The following RIN2 variants were observed in gnomAD, a reference collection of about 807,000 sequenced individuals.
The protein encoded by RIN2 is RAB5 interacting protein 2.
In RIN2, 36 loss-of-function variants were observed where a neutral mutation model predicts 78.0. That is an observed-to-expected ratio of 0.46 (90% CI 0.35 to 0.61). RIN2 has a LOEUF of 0.61. RIN2 is among the 20% of genes least tolerant of loss of function. The pLI is 0.00. For synonymous variants in RIN2, 466 were observed against 466.8 expected (o/e 1.00, Z 0.02); for missense variants, 1,087 against 1,159.7 (o/e 0.94, Z 0.91).
intron 9 of RIN2, among the ~76,000 whole-genome samples, chr20:19,980,055 A>AAAAAAG (rs2042398248): frequency 6.6e-6 from 1 of 151,050 alleles, no homozygotes; most frequent in Non-Finnish European, 1.5e-5. Flanking sequence ...AAAAAAAAAA[A>AAAAAAG]AAAAAAAAAA....
intron 8 of RIN2, 135 bp from the exon 9 acceptor site, chr20:19,974,517 TAA>T: frequency 1.2e-6 from 1 of 817,272 alleles, no homozygotes; most frequent in African/African-American, 1.7e-5. Flanking sequence ...AGGAATGCAG[TAA>T]ACCTGAGTAC....
chr20:19,940,380 A>G (rs1289527930), intron 4 of RIN2, among the ~76,000 whole-genome samples: 2 of 152,206 alleles, frequency 1.3e-5, no homozygotes, highest in Non-Finnish European at 2.9e-5. Context: ...GGTGCATAAA[A>G]AAATAAAAAG....
At chr20:19,788,432 C>CAAAAAAAAAAAAAAAAACAAA (rs2034762145) in intron 1 of RIN2, among the ~76,000 whole-genome samples, 12 of 53,742 alleles carry the variant, frequency 2.2e-4, no homozygotes, top group African/African-American at 1.3e-3. Flanking sequence ...CTGTCTCTGC[C>CAAAAAAAAAAAAAAAAACAAA]AAAAAAAAAA....
intron 3 of RIN2, among the ~76,000 whole-genome samples, chr20:19,896,685 ACACCTGTATCTGGATGTGTC>A (rs2123570771): frequency 6.6e-6 from 1 of 152,344 alleles, no homozygotes; most frequent in South Asian, 2.1e-4. Flanking sequence ...AGCATGCCTC[ACACCTGTATCTGGATGTGTC>A]TTTTGTTTTC....
At position 20,001,057 on chromosome 20, in the gene RIN2, T is replaced by C; in HGVS notation, c.*121T>C. ...CTCGGGGACCCCTCAGTGTAGTGAC[T>C]AAGCCATCCACAGGCCAACTCGGCC... On this transcript the variant is annotated 3_prime_UTR_variant, in exon 13 of 13. Transcript: ENST00000255006. The C allele has an allele frequency of 1.1e-6, 1 of 936,480 alleles. No individual in the cohort carries two copies. Among genetic ancestry groups the C allele is most frequent in the South Asian group, 1.8e-5 (1 of 55,360 alleles). 58.0% of individuals were successfully genotyped at this position (936,480 alleles called of 1,614,324 possible). A position where few individuals can be genotyped will look rare whatever the true frequency, so the allele number is the denominator to read the frequency against.
intron 3 of RIN2, among the ~76,000 whole-genome samples, chr20:19,923,864 A>C (rs2040033982): frequency 6.6e-6 from 1 of 152,010 alleles, no homozygotes; most frequent in South Asian, 2.1e-4. Flanking sequence ...ATTTTGACTA[A>C]GGTGGTGTCT....
chr20:19,938,425 G>C (rs1292437305), intron 4 of RIN2, among the ~76,000 whole-genome samples: 1 of 151,560 alleles, frequency 6.6e-6, no homozygotes, highest in African/African-American at 2.4e-5. Context: ...GGGTCTCTCT[G>C]TGTTGCCCAG....
chr20:19,884,016 G>T (rs1359043675), intron 2 of RIN2, among the ~76,000 whole-genome samples: 2 of 151,520 alleles, frequency 1.3e-5, no homozygotes, highest in Non-Finnish European at 2.9e-5. Flanking sequence ...GTCCAGGCTG[G>T]TCTCAAACTC....
intron 2 of RIN2, among the ~76,000 whole-genome samples, chr20:19,851,295 T>C (rs2036973667): frequency 6.6e-6 from 1 of 151,810 alleles, no homozygotes; most frequent in Admixed American, 6.6e-5. Context: ...GAGGACTCAA[T>C]CAATAAGAAA....
At chr20:19,848,933 C>A (rs2036871121) in intron 2 of RIN2, among the ~76,000 whole-genome samples, 1 of 152,132 alleles carries the variant, frequency 6.6e-6, no homozygotes, top group Admixed American at 6.5e-5. Flanking sequence ...AAACTAAAAT[C>A]ATTTTTCTAA....
intron 1 of RIN2, among the ~76,000 whole-genome samples, chr20:19,777,750 A>G (rs577374267): frequency 8.5e-5 from 13 of 152,254 alleles, no homozygotes; most frequent in Non-Finnish European, 1.6e-4. Context: ...TTCCAGACGA[A>G]TTGTGAAATG....
intron 2 of RIN2, among the ~76,000 whole-genome samples, chr20:19,817,555 G>C (rs1263895619): frequency 1.3e-5 from 2 of 152,160 alleles, no homozygotes; most frequent in African/African-American, 4.8e-5. Context: ...AACACAATTA[G>C]CTAAAAAGAT....
chr20:19,808,034 A>C (rs1268827649), intron 2 of RIN2, among the ~76,000 whole-genome samples: 1 of 152,264 alleles, frequency 6.6e-6, no homozygotes, highest in Non-Finnish European at 1.5e-5. Flanking sequence ...AAGAAACCTA[A>C]GCCTTAAATG....
chr20:19,790,668 C>A (rs949778154), intron 1 of RIN2, among the ~76,000 whole-genome samples: 5 of 152,140 alleles, frequency 3.3e-5, no homozygotes, highest in Non-Finnish European at 5.9e-5. Context: ...TCCACTTACC[C>A]CAACCAATTC....
chr20:19,905,789 C>T (rs190670248), intron 3 of RIN2, among the ~76,000 whole-genome samples: 9 of 152,316 alleles, frequency 5.9e-5, no homozygotes, highest in Admixed American at 2.6e-4. Context: ...CATTCACTCA[C>T]GTATTGTCTG....
In RIN2 at chr20:19,966,526, G is replaced by A. The variant is rs185165449; in HGVS notation, c.536+1502G>A. On this transcript the variant is annotated intron_variant, in intron 7 of 12. Coordinates refer to ENST00000255006, the MANE Select transcript of RIN2 (RefSeq NM_018993.4). The stretch of plus-strand genomic sequence containing the variant: ...TTTAGTAGAGATGGGGTTTTACCAC[G>A]TTGGCCAGGCTGGTCTCAAACTCCT... Among the ~76,000 whole-genome samples, 727 of 152,136 alleles carry A rather than the reference G, an allele frequency of 4.8e-3. 3 individuals carry two copies. The highest frequency in any genetic ancestry group is 0.017 in the African/African-American group (695 of 41,498).
chr20:19,842,780 A>G (rs756218439), intron 2 of RIN2, among the ~76,000 whole-genome samples: 7 of 152,052 alleles, frequency 4.6e-5, no homozygotes, highest in Non-Finnish European at 1.0e-4. Context: ...CTTATTATTT[A>G]AGAACTACAT....
chr20:19,978,721 C>T (rs73901346), intron 9 of RIN2, among the ~76,000 whole-genome samples: 6,208 of 152,268 alleles, frequency 0.041, 415 homozygotes, highest in African/African-American at 0.14. Flanking sequence ...TGGAGAGACA[C>T]GGGCTCGTTC....
intron 5 of RIN2, among the ~76,000 whole-genome samples, chr20:19,958,098 G>C (rs961618965): frequency 1.3e-5 from 2 of 152,238 alleles, no homozygotes; most frequent in African/African-American, 4.8e-5. Context: ...GTCAGAGTCT[G>C]TCTGTTCTCA....
Sources: allele counts gnomAD v4.1 joint callset (sites outside exome capture counted in the v4.1 genomes callset), GRCh38; gene constraint gnomAD v4.1.1; transcripts MANE v1.5; gene names NCBI Gene and HGNC (gene_info 2026-07-23, HGNC 2026-07-21).